HS6ST3: variants seen among roughly 807,000 people sequenced by gnomAD.
The protein encoded by HS6ST3 is heparan-sulfate 6-O-sulfotransferase 3.
A neutral mutation model predicts 36.7 loss-of-function variants in HS6ST3; 12 were observed. The observed-to-expected ratio is 0.33, with a 90% confidence interval of 0.21 to 0.53. The LOEUF (loss-of-function observed/expected upper bound fraction) is 0.53, where lower values mean the gene tolerates loss of function less well. HS6ST3 is among the 20% of genes least tolerant of loss of function. The probability of loss-of-function intolerance (pLI) is 0.95; values close to 1 mark genes in which losing one functional copy is unlikely to be tolerated. For synonymous variants in HS6ST3, 240 were observed against 257.5 expected, an observed-to-expected ratio of 0.93 and a Z score of 0.65; for missense variants, 584 against 640.9, an observed-to-expected ratio of 0.91 and a Z score of 0.96.
chr13:96,503,790 T>G (rs1281054494), intron 1 of HS6ST3, among the ~76,000 whole-genome samples: 2 of 152,208 alleles, frequency 1.3e-5, no homozygotes, highest in Admixed American at 6.5e-5. Context: ...TGTCTTAGTC[T>G]GCTTGGGCAG....
chr13:96,264,175 C>A (rs2054679855), intron 1 of HS6ST3, among the ~76,000 whole-genome samples: 1 of 152,062 alleles, frequency 6.6e-6, no homozygotes, highest in African/African-American at 2.4e-5. Context: ...AATGCAGTTT[C>A]TTATAGCAAA....
intron 1 of HS6ST3, among the ~76,000 whole-genome samples, chr13:96,495,689 T>C (rs1213076252): frequency 2.6e-5 from 4 of 152,286 alleles, no homozygotes; most frequent in South Asian, 2.1e-4. Flanking sequence ...GGGAGTGTAA[T>C]TGATGTGACT....
chr13:96,364,090 A>T (rs186769859), intron 1 of HS6ST3, among the ~76,000 whole-genome samples: 28 of 152,272 alleles, frequency 1.8e-4, no homozygotes, highest in African/African-American at 6.5e-4. Flanking sequence ...CTGGAAGCAC[A>T]CCCATTTAGG....
At chr13:96,320,869 T>G (rs1420352942) in intron 1 of HS6ST3, among the ~76,000 whole-genome samples, 3 of 152,234 alleles carry the variant, frequency 2.0e-5, no homozygotes, top group African/African-American at 7.2e-5. Flanking sequence ...ACACTCCTGC[T>G]TCTGTGTCAT....
At chr13:96,727,295 A>G (rs776483661) in intron 1 of HS6ST3, among the ~76,000 whole-genome samples, 7 of 152,194 alleles carry the variant, frequency 4.6e-5, no homozygotes, top group Non-Finnish European at 7.4e-5. Flanking sequence ...TTTCATAGAC[A>G]TGAAAAATAT....
intron 1 of HS6ST3, among the ~76,000 whole-genome samples, chr13:96,160,581 C>T (rs1035683290): frequency 3.3e-5 from 5 of 152,148 alleles, no homozygotes; most frequent in Non-Finnish European, 7.3e-5. Flanking sequence ...AATGCTGCTA[C>T]CAAGTTTCTT....
chr13:96,455,429 T>A (rs1261970409), intron 1 of HS6ST3, among the ~76,000 whole-genome samples: 1 of 152,142 alleles, frequency 6.6e-6, no homozygotes, highest in African/African-American at 2.4e-5. Context: ...GATCTCATTT[T>A]GTTTCCCAGG....
chr13:96,780,068 C>T lies in HS6ST3; in HGVS notation c.708-52422C>T, dbSNP rs117993399. On this transcript the variant is annotated intron_variant, in intron 1 of 1. Coordinates refer to ENST00000376705, the MANE Select transcript of HS6ST3 (RefSeq NM_153456.4). ...GGAGGAGATGGATCTCAGTGGCAGA[C>T]CTGGAACACAGTTCCTAAGGCAAGG... Among the ~76,000 whole-genome samples the T allele has an allele frequency of 7.9e-3, 1,196 of 152,160 alleles. 9 individuals are homozygous for T. The highest frequency in any genetic ancestry group is 0.02 in the South Asian group (96 of 4,818).
chr13:96,218,351 G>C (rs918676743), intron 1 of HS6ST3, among the ~76,000 whole-genome samples: 17 of 152,148 alleles, frequency 1.1e-4, no homozygotes, highest in Non-Finnish European at 2.2e-4. Context: ...TGGGAAGCTG[G>C]GGGGCAAGGG....
At chr13:96,124,677 G>T (rs940576636) in intron 1 of HS6ST3, among the ~76,000 whole-genome samples, 1 of 152,262 alleles carries the variant, frequency 6.6e-6, no homozygotes, top group East Asian at 1.9e-4. Flanking sequence ...ACCAGGTAAA[G>T]AATATTTTGC....
intron 1 of HS6ST3, among the ~76,000 whole-genome samples, chr13:96,145,838 T>C (rs1203665199): frequency 6.6e-6 from 1 of 152,208 alleles, no homozygotes; most frequent in Non-Finnish European, 1.5e-5. Flanking sequence ...GTATAAGGTG[T>C]AAGGAAGGGA....
chr13:96,450,969 C>T (rs904442646), intron 1 of HS6ST3, among the ~76,000 whole-genome samples: 16 of 152,066 alleles, frequency 1.1e-4, no homozygotes, highest in Admixed American at 8.5e-4. Flanking sequence ...CAGTTTTTGC[C>T]GTGTCAAAAG....
At chr13:96,180,837 GT>G (rs2054236430) in intron 1 of HS6ST3, among the ~76,000 whole-genome samples, 1 of 152,124 alleles carries the variant, frequency 6.6e-6, no homozygotes, top group Non-Finnish European at 1.5e-5. Flanking sequence ...TTGTATTAAA[GT>G]AACAAACATC....
intron 1 of HS6ST3, chr13:96,574,473 T>G: frequency 2.3e-6 from 1 of 437,456 alleles, no homozygotes; most frequent in Non-Finnish European, 4.2e-6. Flanking sequence ...AACCATACTC[T>G]TCATGCCCCG....
At chr13:96,823,376 A>G (rs529131457) in intron 1 of HS6ST3, among the ~76,000 whole-genome samples, 8 of 152,196 alleles carry the variant, frequency 5.3e-5, no homozygotes, top group Non-Finnish European at 1.0e-4. Context: ...TTGGCCATAC[A>G]AATTATGACA....
At chr13:96,428,318 C>G (rs1482109631) in intron 1 of HS6ST3, among the ~76,000 whole-genome samples, 1 of 152,208 alleles carries the variant, frequency 6.6e-6, no homozygotes, top group African/African-American at 2.4e-5. Flanking sequence ...TGCACTCCAG[C>G]CTGGGCGACA....
intron 1 of HS6ST3, among the ~76,000 whole-genome samples, chr13:96,413,717 C>T (rs1005509100): frequency 8.5e-5 from 13 of 152,048 alleles, no homozygotes; most frequent in Non-Finnish European, 1.5e-4. Context: ...GAATGCCTAT[C>T]GTGAAAATGA....
chr13:96,513,640 A>C (rs562547150), intron 1 of HS6ST3, among the ~76,000 whole-genome samples: 1 of 152,112 alleles, frequency 6.6e-6, no homozygotes, highest in African/African-American at 2.4e-5. Flanking sequence ...TAAAATCATC[A>C]TACTGTCTAT....
At position 96,821,007 on chromosome 13, in the gene HS6ST3, GC is replaced by G. The variant is rs1309906949; in HGVS notation, c.708-11482del. Among the ~76,000 whole-genome samples the G allele has an allele frequency of 2.0e-5, 3 of 152,196 alleles. No individual in the cohort carries two copies. The East Asian group carries it at 5.8e-4, about 29-fold the overall frequency. ...CCTTTATTGTTCTGACATTACTACA[GC>G]TTTTGGCTTCTAGATTCTTTAGGTG... On this transcript the variant is annotated intron_variant, in intron 1 of 1. Transcript: ENST00000376705.
Sources: gnomAD v4.1 joint callset for allele counts (sites outside exome capture counted in the v4.1 genomes callset) on GRCh38, gnomAD v4.1.1 for gene constraint, MANE v1.5 for transcripts, NCBI Gene and HGNC (gene_info 2026-07-23, HGNC 2026-07-21) for gene names.